ZNF385B: variants seen among roughly 807,000 people sequenced by gnomAD.
ZNF385B encodes zinc finger protein 385B, also known as zinc finger protein 533.
ZNF385B carries 23 observed loss-of-function variants against 39.2 expected under a neutral mutation model. The ratio of observed to expected loss-of-function variants is 0.59; its 90% CI spans 0.42 to 0.83. The LOEUF is 0.83. Among genes scored for constraint, ZNF385B ranks in the 40% least tolerant of loss-of-function variants. The pLI, the probability that ZNF385B is intolerant of heterozygous loss-of-function variation, is 0.00. For missense variants in ZNF385B, 552 were observed against 598.9 expected (o/e 0.92, Z 0.82); for synonymous variants, 205 against 222.6 (o/e 0.92, Z 0.70).
intron 3 of ZNF385B, among the ~76,000 whole-genome samples, chr2:179,697,934 T>C (rs1007125423): frequency 1.3e-5 from 2 of 152,128 alleles, no homozygotes; most frequent in Non-Finnish European, 2.9e-5. Context: ...AGCAAACTAT[T>C]GCAAGGACAG....
At chr2:179,618,859 C>T (rs1407091145) in intron 3 of ZNF385B, among the ~76,000 whole-genome samples, 1 of 152,196 alleles carries the variant, frequency 6.6e-6, no homozygotes, top group East Asian at 1.9e-4. Context: ...TAAGCTTAAA[C>T]TGCTCCTTCT....
At chr2:179,707,187 G>T (rs145893312) in intron 3 of ZNF385B, among the ~76,000 whole-genome samples, 3 of 152,206 alleles carry the variant, frequency 2.0e-5, no homozygotes, top group Non-Finnish European at 4.4e-5. Flanking sequence ...AGTACTGCAC[G>T]CCCGTGGAAT....
intron 4 of ZNF385B, among the ~76,000 whole-genome samples, chr2:179,519,499 T>TGA (rs1361503863): frequency 3.3e-5 from 5 of 152,184 alleles, no homozygotes; most frequent in Non-Finnish European, 7.3e-5. Context: ...CTTGCATGTA[T>TGA]TATATATATT....
chr2:179,837,594 A>G (rs1399371458), intron 1 of ZNF385B, among the ~76,000 whole-genome samples: 2 of 152,252 alleles, frequency 1.3e-5, no homozygotes, highest in African/African-American at 4.8e-5. Flanking sequence ...CTGAAGAGAC[A>G]GCTGACTCAC....
chr2:179,788,229 TTAGG>T (rs1403503536), intron 1 of ZNF385B, among the ~76,000 whole-genome samples: 1 of 151,932 alleles, frequency 6.6e-6, no homozygotes, highest in Non-Finnish European at 1.5e-5. Flanking sequence ...ACACACATAA[TTAGG>T]TAACAGTTAA....
intron 5 of ZNF385B, among the ~76,000 whole-genome samples, chr2:179,486,886 G>A (rs757340352): frequency 3.9e-5 from 6 of 151,984 alleles, no homozygotes; most frequent in South Asian, 2.1e-4. Context: ...ACTGCACTCT[G>A]GCCCGGGCAA....
At chr2:179,545,136 C>T (rs1415361061) in intron 3 of ZNF385B, among the ~76,000 whole-genome samples, 167 bp from the exon 4 acceptor site, 1 of 152,184 alleles carries the variant, frequency 6.6e-6, no homozygotes, top group African/African-American at 2.4e-5. Flanking sequence ...AAAGGATCTT[C>T]CTCCTCATTA....
chr2:179,518,162 G>A (rs1481229052), intron 5 of ZNF385B, among the ~76,000 whole-genome samples: 1 of 152,162 alleles, frequency 6.6e-6, no homozygotes, highest in Non-Finnish European at 1.5e-5. Context: ...AGTTGAGACT[G>A]ATTGCATAGA....
intron 6 of ZNF385B, among the ~76,000 whole-genome samples, chr2:179,482,144 C>T (rs1337699134): frequency 1.3e-5 from 2 of 152,184 alleles, no homozygotes; most frequent in African/African-American, 4.8e-5. Context: ...AGGGCCTAAT[C>T]AATAATGGTC....
intron 3 of ZNF385B, among the ~76,000 whole-genome samples, chr2:179,577,175 C>A (rs964352356): frequency 6.6e-6 from 1 of 152,086 alleles, no homozygotes; most frequent in African/African-American, 2.4e-5. Context: ...AGCTTTAGAA[C>A]CCTCTATGAG....
Position 179,836,034 on chromosome 2 carries a change from A to C in ZNF385B, c.-155+25067T>G, listed in dbSNP as rs1172663545. 3.9e-5 allele frequency among the ~76,000 whole-genome samples: 6 copies of C among 152,322 alleles called. No homozygotes were observed. In the East Asian group the frequency reaches 1.2e-3, roughly 29 times the overall value. ...TATTTAGCCTTAAAAAATATAAGGA[A>C]ATTCTGAAATAGGCAACAACATGGA... On this transcript the variant is annotated intron_variant, in intron 1 of 9. Transcript: ENST00000410066.
chr2:179,767,108 T>C (rs1390777808), intron 3 of ZNF385B, among the ~76,000 whole-genome samples: 2 of 152,268 alleles, frequency 1.3e-5, no homozygotes, highest in East Asian at 3.9e-4. Context: ...AAGAGGCACA[T>C]ACAGTCAAGG....
chr2:179,463,142 AGATAAAACTTCTGCATG>A (rs1414230582), intron 6 of ZNF385B, among the ~76,000 whole-genome samples: 4 of 152,128 alleles, frequency 2.6e-5, no homozygotes, highest in African/African-American at 9.7e-5. Flanking sequence ...TAGTCCATGC[AGATAAAACTTCTGCATG>A]GAAGTTTTAT....
intron 6 of ZNF385B, among the ~76,000 whole-genome samples, chr2:179,478,466 A>G (rs747425193): frequency 6.6e-6 from 1 of 152,240 alleles, no homozygotes; most frequent in Non-Finnish European, 1.5e-5. Context: ...GTGAAAACAT[A>G]TATGTAACTG....
Position 179,544,900 on chromosome 2 carries a change from A to C in ZNF385B, c.368T>G (p.Leu123Arg), listed in dbSNP as rs1185299248. The stretch of plus-strand genomic sequence containing the variant: ...AAAAGACATAAATGGTTTGATATCC[A>C]GTGAAGGCTGCATCATCAGGGTAGG... ...RTPTLMMQPS[L>R]DIKPFMSFPV... The change falls in exon 4 of 10, where the codon CTG becomes CGG. Residue 123 changes from leucine to arginine, a missense_variant. Leu to Arg is a moderately radical substitution (Grantham distance 102). Transcript: ENST00000410066. 1 of 1,614,160 alleles carries C rather than the reference A, an allele frequency of 6.2e-7. No homozygotes were observed. The highest frequency in any genetic ancestry group is 2.2e-5 in the East Asian group (1 of 44,876).
intron 1 of ZNF385B, among the ~76,000 whole-genome samples, chr2:179,830,501 T>C (rs760635922): frequency 1.3e-5 from 2 of 152,128 alleles, no homozygotes; most frequent in African/African-American, 2.4e-5. Flanking sequence ...GGTGAACAGA[T>C]AACATGTAAA....
At chr2:179,639,503 A>G (rs1692075224) in intron 3 of ZNF385B, among the ~76,000 whole-genome samples, 1 of 152,284 alleles carries the variant, frequency 6.6e-6, no homozygotes. Context: ...ATCAAAATAT[A>G]ATATTGTACA....
intron 3 of ZNF385B, among the ~76,000 whole-genome samples, chr2:179,568,122 C>G (rs1684802198): frequency 6.6e-6 from 1 of 152,172 alleles, no homozygotes; most frequent in Non-Finnish European, 1.5e-5. Flanking sequence ...CTCTCTTCCC[C>G]CAAGATCTAA....
At chr2:179,643,328 T>C (rs572420223) in intron 3 of ZNF385B, among the ~76,000 whole-genome samples, 2 of 152,236 alleles carry the variant, frequency 1.3e-5, no homozygotes, top group Admixed American at 1.3e-4. Context: ...CCAATATTCT[T>C]CAAATGATCA....
Sources: allele counts gnomAD v4.1 joint callset (sites outside exome capture counted in the v4.1 genomes callset), GRCh38; gene constraint gnomAD v4.1.1; transcripts MANE v1.5; gene names NCBI Gene and HGNC (gene_info 2026-07-23, HGNC 2026-07-21).